Variants in ICE2 observed in about 807,000 individuals in gnomAD.
The protein encoded by ICE2 is interactor of little elongation complex ELL subunit 2.
A neutral mutation model predicts 105.4 loss-of-function variants in ICE2; 87 were observed. The observed-to-expected ratio is 0.83, with a 90% confidence interval of 0.69 to 0.99. The LOEUF is 0.99. Ranked by LOEUF, ICE2 falls within the 50% of genes least tolerant of loss-of-function variation. ICE2 has a pLI of 0.00. For synonymous variants in ICE2, 399 were observed against 392.0 expected, an observed-to-expected ratio of 1.02 and a Z score of -0.21; for missense variants, 1,323 against 1,146.7, an observed-to-expected ratio of 1.15 and a Z score of -2.22.
At chr15:60,455,246 C>G in intron 7 of ICE2, 80 bp downstream of exon 7, 1 of 1,530,300 alleles carries the variant, frequency 6.5e-7, no homozygotes, top group Non-Finnish European at 8.9e-7. Flanking sequence ...AGAAAGGGGA[C>G]TTTGGGACAA....
Position 60,423,771 on chromosome 15 carries a change from TG to T in ICE2, c.2821-10del. The T allele has an allele frequency of 1.9e-6, 3 of 1,576,756 alleles. No individual in the cohort carries two copies. The highest frequency in any genetic ancestry group is 2.6e-6 in the Non-Finnish European group (3 of 1,166,694). On this transcript the variant is annotated splice_polypyrimidine_tract_variant and intron_variant, in intron 15 of 15. Transcript: ENST00000261520. ...ATTCTCGTTCCACCAATCTAAGAGA[TG>T]AAGCAGAGAACAGAATAGCTTAATG...
At chr15:60,476,719 G>T (rs1257820474) in intron 2 of ICE2, among the ~76,000 whole-genome samples, 1 of 152,180 alleles carries the variant, frequency 6.6e-6, no homozygotes, top group Non-Finnish European at 1.5e-5. Flanking sequence ...TTAATTTAGA[G>T]ACTAACATAT....
chr15:60,476,590 C>G (rs1450929461), intron 2 of ICE2, among the ~76,000 whole-genome samples: 1 of 152,192 alleles, frequency 6.6e-6, no homozygotes, highest in Non-Finnish European at 1.5e-5. Flanking sequence ...CACTACTGTG[C>G]TGAGCCAAAA....
intron 8 of ICE2, 147 bp downstream of exon 8, chr15:60,454,856 G>GC (rs11336352): frequency 9.8e-6 from 6 of 613,534 alleles, no homozygotes; most frequent in African/African-American, 1.9e-5. Flanking sequence ...CTCTCACCTT[G>GC]CCCCCCACCC....
Position 60,455,307 on chromosome 15 carries a change from A to G in ICE2, c.783+19T>C, listed in dbSNP as rs1018681379. On this transcript the variant is annotated intron_variant, in intron 7 of 15. Coordinates refer to ENST00000261520, the MANE Select transcript of ICE2 (RefSeq NM_024611.6). ...ATAAAAGATTATTTAGGAAGATCCAATGTTGCCTTGGTACTTACATAATGC... is the reference window on the plus strand; with the variant it reads ...ATAAAAGATTATTTAGGAAGATCCAGTGTTGCCTTGGTACTTACATAATGC... 1.0e-5 allele frequency: 16 copies of G among 1,576,340 alleles called. 1 individual carries two copies. The highest frequency in any genetic ancestry group is 3.4e-5 in the Admixed American group (2 of 59,408).
At chr15:60,425,108 G>T (rs2063312635) in intron 15 of ICE2, among the ~76,000 whole-genome samples, 1 of 152,078 alleles carries the variant, frequency 6.6e-6, no homozygotes, top group Non-Finnish European at 1.5e-5. Flanking sequence ...TTGCTCCAAG[G>T]GGTTACAGAC....
chr15:60,437,620 A>G (rs1170294741), intron 12 of ICE2, among the ~76,000 whole-genome samples: 1 of 151,806 alleles, frequency 6.6e-6, no homozygotes, highest in Non-Finnish European at 1.5e-5. Context: ...GGTGTGAGCC[A>G]CTGAGCCCGG....
intron 9 of ICE2, chr15:60,452,721 A>C (rs1440252349): frequency 3.9e-6 from 1 of 256,506 alleles, no homozygotes; most frequent in Non-Finnish European, 6.1e-6. Flanking sequence ...GTTACTCTAA[A>C]TGCTTTATAT....
At chr15:60,452,209 A>C in intron 9 of ICE2, 1 of 945,650 alleles carries the variant, frequency 1.1e-6, no homozygotes, top group Non-Finnish European at 1.3e-6. Flanking sequence ...ATGTATCATA[A>C]AAATATTAAA....
intron 3 of ICE2, among the ~76,000 whole-genome samples, chr15:60,469,744 G>A (rs2064536312): frequency 6.6e-6 from 1 of 152,156 alleles, no homozygotes; most frequent in African/African-American, 2.4e-5. Context: ...CCATTGCAAT[G>A]CTTTACTCCC....
intron 12 of ICE2, chr15:60,438,639 A>C (rs1196751555): frequency 6.6e-6 from 1 of 152,254 alleles, no homozygotes; most frequent in Non-Finnish European, 1.5e-5. Flanking sequence ...CATTTAAAAA[A>C]GTTTTATAGT....
intron 14 of ICE2, 37 bp from the exon 15 acceptor site, chr15:60,428,724 C>G (rs1183057394): frequency 6.3e-7 from 1 of 1,591,246 alleles, no homozygotes; most frequent in Non-Finnish European, 8.6e-7. Flanking sequence ...CACTGGCTCA[C>G]TGTGTCAATT....
At chr15:60,446,404 A>C (rs1449905921) in intron 11 of ICE2, among the ~76,000 whole-genome samples, 6 of 151,978 alleles carry the variant, frequency 3.9e-5, no homozygotes, top group Non-Finnish European at 7.4e-5. Flanking sequence ...ACTTTTTAAA[A>C]ATTTTTTTTG....
chr15:60,476,234 T>C, intron 2 of ICE2, 67 bp from the exon 3 acceptor site: 3 of 940,308 alleles, frequency 3.2e-6, no homozygotes, highest in East Asian at 2.5e-5. Context: ...TGACACATAA[T>C]GGCACAATTG....
In ICE2 at chr15:60,456,648, A is replaced by T. The variant is rs780483124; in HGVS notation, c.666+9T>A. ...AAAAAAGCTTATATCGTCTGATAAT[A>T]AACCTTACCAATGCGAGAAGAGTTT... is the stretch of plus-strand genomic sequence containing the variant. On this transcript the variant is annotated intron_variant, in intron 6 of 15. Transcript: ENST00000261520. 2 of 1,568,788 alleles carry T rather than the reference A, an allele frequency of 1.3e-6. No individual in the cohort carries two copies. The highest frequency in any genetic ancestry group is 1.7e-6 in the Non-Finnish European group (2 of 1,157,638).
intron 12 of ICE2, 110 bp from the exon 13 acceptor site, chr15:60,436,337 G>C (rs112981000): frequency 8.6e-5 from 38 of 444,382 alleles, no homozygotes; most frequent in African/African-American, 6.8e-4. Context: ...TAACTGTGAA[G>C]AAATTTTACA....
intron 9 of ICE2, chr15:60,451,991 G>A: frequency 1.6e-6 from 1 of 636,296 alleles, no homozygotes; most frequent in Non-Finnish European, 2.0e-6. Context: ...TATTTGTCCA[G>A]CTTTTTTAGA....
At position 60,432,332 on chromosome 15, in the gene ICE2, C is replaced by T. The variant is rs1425846324; in HGVS notation, c.2511-348G>A. Among the ~76,000 whole-genome samples, 4 of 151,720 alleles carry T rather than the reference C, an allele frequency of 2.6e-5. No individual in the cohort carries two copies. In the East Asian group the frequency reaches 5.9e-4, roughly 22 times the overall value. ...CCTCTCAAATAGCTGGGACTACAGG[C>T]ATGCGCCACCACACCAGGCTGATTT... On this transcript the variant is annotated intron_variant, in intron 13 of 15. Coordinates refer to ENST00000261520, the MANE Select transcript of ICE2 (RefSeq NM_024611.6).
At position 60,422,364 on chromosome 15, in the gene ICE2, GA is replaced by G. The variant is rs1357714753; in HGVS notation, c.*1269del. On this transcript the variant is annotated 3_prime_UTR_variant, in exon 16 of 16. Coordinates refer to ENST00000261520, the MANE Select transcript of ICE2 (RefSeq NM_024611.6). ...TGGTCTCCAACCCCTGGACTCAAGT[GA>G]TTCTCCCGCCTCGGCCTTGCGAAGT... The G allele has an allele frequency of 1.3e-5, 2 of 152,124 alleles. No homozygotes were observed. The highest frequency in any genetic ancestry group is 2.9e-5 in the Non-Finnish European group (2 of 68,128). 9.4% of individuals were successfully genotyped at this position (152,124 alleles called of 1,614,324 possible).
Sources: gnomAD v4.1 joint callset for allele counts (sites outside exome capture counted in the v4.1 genomes callset) on GRCh38, gnomAD v4.1.1 for gene constraint, MANE v1.5 for transcripts, NCBI Gene and HGNC (gene_info 2026-07-23, HGNC 2026-07-21) for gene names.